Variants in DCLK1 observed in about 807,000 individuals in gnomAD.
DCLK1 encodes the protein doublecortin like kinase 1.
Under a neutral mutation model 86.2 loss-of-function variants are expected in DCLK1, and 16 were observed. The ratio of observed to expected loss-of-function variants is 0.19; its 90% CI spans 0.13 to 0.28. DCLK1 has a LOEUF of 0.28. Ranked by LOEUF, DCLK1 falls within the 10% of genes least tolerant of loss-of-function variation. DCLK1 has a pLI of 1.00. For synonymous variants in DCLK1, 369 were observed against 370.5 expected, an observed-to-expected ratio of 1.00 and a Z score of 0.05; for missense variants, 590 against 940.2, an observed-to-expected ratio of 0.63 and a Z score of 4.87.
rs559930964 is a variant in DCLK1 at position 35,982,427 on chromosome 13, AGAGAGGGGGAGGGAGGGAGG to A, written c.724-34990_724-34971del. On this transcript the variant is annotated intron_variant, in intron 3 of 16. Transcript: ENST00000360631. ...AAGAAAGGGAGAGAGAGAGAGAGAG[AGAGAGGGGGAGGGAGGGAGG>A]GAGGGAGGGAGGGAGGGAGGGAGGG... 6.5e-3 allele frequency among the ~76,000 whole-genome samples: 352 copies of A among 54,230 alleles called. 28 individuals carry two copies. Among genetic ancestry groups the A allele is most frequent in the Admixed American group, 0.049 (219 of 4,432 alleles). The allele number at this position is 54,230 out of a possible 152,430, so 35.6% of individuals were successfully genotyped here.
At chr13:35,820,641 G>T (rs1232423795) in intron 11 of DCLK1, among the ~76,000 whole-genome samples, 1 of 152,188 alleles carries the variant, frequency 6.6e-6, no homozygotes, top group Non-Finnish European at 1.5e-5. Flanking sequence ...AAGTTTGGGA[G>T]CTTAGAGAAG....
At chr13:35,852,554 C>T (rs1870733868) in intron 6 of DCLK1, among the ~76,000 whole-genome samples, 1 of 152,136 alleles carries the variant, frequency 6.6e-6, no homozygotes, top group Non-Finnish European at 1.5e-5. Context: ...GGTGTTTGCA[C>T]TGATCGTTTA....
chr13:35,866,904 T>C (rs1284301939), intron 5 of DCLK1, among the ~76,000 whole-genome samples: 1 of 152,184 alleles, frequency 6.6e-6, no homozygotes, highest in African/African-American at 2.4e-5. Flanking sequence ...CCAAGAGCTA[T>C]AGTTGAGTAG....
Position 36,088,625 on chromosome 13 carries a change from C to A in DCLK1, c.723+23244G>T, listed in dbSNP as rs112450647. On this transcript the variant is annotated intron_variant, in intron 3 of 16. Transcript: ENST00000360631. ...TGCCCTACAGGACAGCAGGCAGCCT[C>A]GTGCCCCAGAACACCAGTGGAGTGG... is the stretch of plus-strand genomic sequence containing the variant. Among the ~76,000 whole-genome samples the A allele has an allele frequency of 3.2e-3, 492 of 152,298 alleles. 3 individuals are homozygous for A. Among genetic ancestry groups the A allele is most frequent in the African/African-American group, 0.011 (465 of 41,570 alleles).
chr13:36,073,829 C>T (rs929198655), intron 3 of DCLK1, among the ~76,000 whole-genome samples: 1 of 152,188 alleles, frequency 6.6e-6, no homozygotes, highest in African/African-American at 2.4e-5. Context: ...ATCCACAAAA[C>T]AGACATGTGG....
chr13:36,056,338 C>T (rs527547265), intron 3 of DCLK1, among the ~76,000 whole-genome samples: 3,776 of 94,374 alleles, frequency 0.04, 113 homozygotes, highest in African/African-American at 0.09. Context: ...AAATTGGAAA[C>T]CATCATTCTC....
intron 15 of DCLK1, among the ~76,000 whole-genome samples, chr13:35,803,938 T>C (rs956330): frequency 0.28 from 41,831 of 152,068 alleles, 6,505 homozygotes; most frequent in African/African-American, 0.42. Flanking sequence ...CAGTAGGAAC[T>C]ATTAGACTTA....
intron 3 of DCLK1, among the ~76,000 whole-genome samples, chr13:36,012,073 T>A (rs1192629034): frequency 2.1e-5 from 3 of 141,380 alleles, no homozygotes; most frequent in Non-Finnish European, 4.6e-5. Flanking sequence ...TGTTTTCCAT[T>A]TGCTTGGTAG....
intron 5 of DCLK1, chr13:35,855,772 G>A (rs1157376852): frequency 1.6e-6 from 2 of 1,281,186 alleles, no homozygotes; most frequent in South Asian, 3.2e-5. Flanking sequence ...TGTCAATTAA[G>A]CCTCTTGCCA....
At chr13:35,897,741 T>C (rs898582672) in intron 4 of DCLK1, among the ~76,000 whole-genome samples, 2 of 152,126 alleles carry the variant, frequency 1.3e-5, no homozygotes, top group Non-Finnish European at 2.9e-5. Flanking sequence ...TTTTAAATCA[T>C]CCACTTATAA....
intron 1 of DCLK1, among the ~76,000 whole-genome samples, chr13:36,128,929 T>G (rs1394892227): frequency 2.0e-5 from 3 of 152,210 alleles, no homozygotes; most frequent in Admixed American, 6.5e-5. Flanking sequence ...GTGAGCTCTC[T>G]TGTCTTCTAA....
Position 35,946,237 on chromosome 13 carries a change from C to A in DCLK1, c.823+1121G>T, listed in dbSNP as rs184227221. 5.2e-3 allele frequency among the ~76,000 whole-genome samples: 788 copies of A among 152,242 alleles called. 5 individuals carry two copies. The highest frequency in any genetic ancestry group is 0.01 in the Middle Eastern group (3 of 294). ...CAGGCTAGTCTCAAACTCCTAAGCT[C>A]AAATGGTCTGCCCACCTTGGCCTCC... is the stretch of plus-strand genomic sequence containing the variant. On this transcript the variant is annotated intron_variant, in intron 4 of 16. Transcript: ENST00000360631.
intron 3 of DCLK1, among the ~76,000 whole-genome samples, chr13:36,082,973 G>C (rs2138116364): frequency 6.6e-6 from 1 of 152,196 alleles, no homozygotes; most frequent in Admixed American, 6.5e-5. Flanking sequence ...TACAGGGAAT[G>C]GGCTCTGTCC....
chr13:35,930,559 C>T (rs1374347155), intron 4 of DCLK1, among the ~76,000 whole-genome samples: 2 of 152,168 alleles, frequency 1.3e-5, no homozygotes, highest in Admixed American at 6.5e-5. Context: ...GAGATCATGT[C>T]ACTGCACTCC....
At chr13:35,832,006 A>T (rs988162942) in intron 8 of DCLK1, among the ~76,000 whole-genome samples, 7 of 152,196 alleles carry the variant, frequency 4.6e-5, no homozygotes, top group African/African-American at 1.7e-4. Flanking sequence ...TCAAAAAAAG[A>T]AATGGGCCAG....
intron 15 of DCLK1, among the ~76,000 whole-genome samples, chr13:35,803,717 G>GAAAAC (rs775721165): frequency 3.3e-5 from 5 of 152,088 alleles, no homozygotes; most frequent in Admixed American, 1.3e-4. Flanking sequence ...TGTTGTTTTG[G>GAAAAC]AAAACAAAAC....
At chr13:35,850,475 C>G (rs1459580246) in intron 6 of DCLK1, 8 of 1,170,720 alleles carry the variant, frequency 6.8e-6, no homozygotes, top group Non-Finnish European at 7.4e-6. Context: ...GTACAAAAAT[C>G]TCAGCATTTT....
At chr13:36,076,215 A>C (rs1884209498) in intron 3 of DCLK1, among the ~76,000 whole-genome samples, 1 of 152,234 alleles carries the variant, frequency 6.6e-6, no homozygotes, top group Non-Finnish European at 1.5e-5. Flanking sequence ...GAAATACCAA[A>C]TGAGGTAAGG....
chr13:36,069,360 A>C (rs1325349992), intron 3 of DCLK1, among the ~76,000 whole-genome samples: 3 of 152,232 alleles, frequency 2.0e-5, no homozygotes, highest in Non-Finnish European at 4.4e-5. Context: ...AACAGAAATA[A>C]AGACAAGAAG....
Sources: gnomAD v4.1 joint callset for allele counts (sites outside exome capture counted in the v4.1 genomes callset) on GRCh38, gnomAD v4.1.1 for gene constraint, MANE v1.5 for transcripts, NCBI Gene and HGNC (gene_info 2026-07-23, HGNC 2026-07-21) for gene names.